BACH2: variants seen among roughly 807,000 people sequenced by gnomAD.
BACH2 encodes the protein transcription regulator protein BACH2.
In BACH2, 5 loss-of-function variants were observed where a neutral mutation model predicts 61.8. The ratio of observed to expected loss-of-function variants is 0.08; its 90% CI spans 0.04 to 0.17. The LOEUF is 0.17. Among genes scored for constraint, BACH2 ranks in the 10% least tolerant of loss-of-function variants. The pLI is 1.00. For missense variants in BACH2, 824 were observed against 1,091.1 expected, an observed-to-expected ratio of 0.76 and a Z score of 3.45; for synonymous variants, 446 against 440.1, an observed-to-expected ratio of 1.01 and a Z score of -0.17.
chr6:90,094,747 A>G (rs1782312733), intron 4 of BACH2, among the ~76,000 whole-genome samples: 1 of 152,160 alleles, frequency 6.6e-6, no homozygotes, highest in African/African-American at 2.4e-5. Flanking sequence ...CAGCATCTCA[A>G]TGGGAATGAC....
intron 5 of BACH2, among the ~76,000 whole-genome samples, chr6:90,028,397 CGTGCTTTGGATACTCTAT>C (rs999484120): frequency 6.6e-6 from 1 of 152,178 alleles, no homozygotes; most frequent in Non-Finnish European, 1.5e-5. Context: ...GTTAAAAGTG[CGTGCTTTGGATACTCTAT>C]CCTCCCATTA....
chr6:90,073,376 C>T (rs563625485), intron 5 of BACH2, among the ~76,000 whole-genome samples: 24 of 152,284 alleles, frequency 1.6e-4, no homozygotes, highest in South Asian at 2.1e-4. Flanking sequence ...TGCTCTCATT[C>T]CTGGCATATT....
chr6:90,261,625 C>G (rs539267993), intron 2 of BACH2, among the ~76,000 whole-genome samples: 2 of 152,220 alleles, frequency 1.3e-5, no homozygotes, highest in Admixed American at 6.5e-5. Flanking sequence ...GCACCCTATC[C>G]TCAGGTTTTC....
chr6:90,141,483 G>A (rs1256308780), intron 4 of BACH2, among the ~76,000 whole-genome samples: 1 of 146,526 alleles, frequency 6.8e-6, no homozygotes, highest in Non-Finnish European at 1.5e-5. Context: ...ACCCCGCCCC[G>A]ATCCCGTTTT....
intron 4 of BACH2, among the ~76,000 whole-genome samples, chr6:90,197,310 T>C (rs1768793478): frequency 6.6e-6 from 1 of 152,208 alleles, no homozygotes; most frequent in African/African-American, 2.4e-5. Flanking sequence ...AATCATTCCA[T>C]TATAAATTTC....
At chr6:90,275,964 G>T (rs1367308102) in intron 1 of BACH2, among the ~76,000 whole-genome samples, 3 of 137,852 alleles carry the variant, frequency 2.2e-5, no homozygotes, top group Non-Finnish European at 5.0e-5. Flanking sequence ...GCTAGATTTC[G>T]TCTTAAAAAA....
intron 5 of BACH2, among the ~76,000 whole-genome samples, chr6:90,057,182 G>T (rs976164017): frequency 6.6e-6 from 1 of 152,016 alleles, no homozygotes; most frequent in Non-Finnish European, 1.5e-5. Context: ...ATGAATCCAG[G>T]AGCTGGTTTT....
At chr6:90,153,758 A>G (rs978667729) in intron 4 of BACH2, among the ~76,000 whole-genome samples, 1 of 152,214 alleles carries the variant, frequency 6.6e-6, no homozygotes. Flanking sequence ...CAAGGCAGTG[A>G]GGAAATAAAA....
rs189344438 is a variant in BACH2 at position 89,977,816 on chromosome 6, C to G, written c.244-25954G>C. Among the ~76,000 whole-genome samples, 411 of 152,266 alleles carry G rather than the reference C, an allele frequency of 2.7e-3. 6 individuals are homozygous for G. Among genetic ancestry groups the G allele is most frequent in the African/African-American group, 9.3e-3 (388 of 41,552 alleles). On this transcript the variant is annotated intron_variant, in intron 6 of 8. Transcript: ENST00000257749. ...AATAGAGCAAAGTCACTGCAGTGTT[C>G]AGAAAGGCAAAAAGTCATCTTGCTA...
At chr6:89,962,693 C>T (rs1176305877) in intron 6 of BACH2, among the ~76,000 whole-genome samples, 1 of 152,150 alleles carries the variant, frequency 6.6e-6, no homozygotes, top group Non-Finnish European at 1.5e-5. Context: ...CCCACAGATG[C>T]ATAATTTCTA....
chr6:90,241,445 A>G (rs1770450455), intron 3 of BACH2, among the ~76,000 whole-genome samples: 1 of 152,238 alleles, frequency 6.6e-6, no homozygotes, highest in Non-Finnish European at 1.5e-5. Context: ...ATAGAGGATC[A>G]GAATGGAGTC....
At chr6:90,196,934 T>C (rs1768780643) in intron 4 of BACH2, among the ~76,000 whole-genome samples, 1 of 152,164 alleles carries the variant, frequency 6.6e-6, no homozygotes, top group Admixed American at 6.5e-5. Context: ...AAAGTAAACA[T>C]CATTTACTAG....
chr6:90,055,674 A>T (rs888823493), intron 5 of BACH2, among the ~76,000 whole-genome samples: 8 of 119,190 alleles, frequency 6.7e-5, no homozygotes, highest in Non-Finnish European at 1.0e-4. Context: ...GTAATTGTCA[A>T]GATTCACCAA....
At chr6:90,146,602 T>C (rs1784628469) in intron 4 of BACH2, among the ~76,000 whole-genome samples, 1 of 152,230 alleles carries the variant, frequency 6.6e-6, no homozygotes, top group African/African-American at 2.4e-5. Context: ...CATACTTAAA[T>C]AGATGACTGG....
At chr6:90,247,880 C>G (rs1370048562) in intron 3 of BACH2, among the ~76,000 whole-genome samples, 2 of 152,116 alleles carry the variant, frequency 1.3e-5, no homozygotes, top group Non-Finnish European at 2.9e-5. Context: ...CTCTGATGTC[C>G]CTAATCAGAC....
At chr6:90,060,443 A>T (rs886629869) in intron 5 of BACH2, among the ~76,000 whole-genome samples, 5 of 152,078 alleles carry the variant, frequency 3.3e-5, no homozygotes, top group Admixed American at 6.5e-5. Context: ...AAATTTTTTG[A>T]TAATTTTTTT....
At chr6:90,014,459 TATATATATA>T (rs1396618466) in intron 5 of BACH2, among the ~76,000 whole-genome samples, 1 of 75,694 alleles carries the variant, frequency 1.3e-5, no homozygotes, top group African/African-American at 7.5e-5. Flanking sequence ...TATATATATA[TATATATATA>T]TTTTTTTTTT....
intron 4 of BACH2, among the ~76,000 whole-genome samples, chr6:90,181,124 A>G (rs1372173145): frequency 6.6e-6 from 1 of 152,180 alleles, no homozygotes; most frequent in Non-Finnish European, 1.5e-5. Flanking sequence ...ACCAATTTAC[A>G]TTCCCACCAG....
chr6:90,113,686 G>A (rs1326718710), intron 4 of BACH2, among the ~76,000 whole-genome samples: 1 of 151,690 alleles, frequency 6.6e-6, no homozygotes, highest in Non-Finnish European at 1.5e-5. Context: ...AAAAATCAGA[G>A]CTGAACTGAA....
Sources: allele counts gnomAD v4.1 joint callset (sites outside exome capture counted in the v4.1 genomes callset), GRCh38; gene constraint gnomAD v4.1.1; transcripts MANE v1.5; gene names NCBI Gene and HGNC (gene_info 2026-07-23, HGNC 2026-07-21).